The following SRSF5 variants were observed in gnomAD, a reference collection of about 807,000 sequenced individuals.
SRSF5 encodes serine/arginine-rich splicing factor 5.
A neutral mutation model predicts 34.0 loss-of-function variants in SRSF5; 5 were observed. That is an observed-to-expected ratio of 0.15 (90% CI 0.08 to 0.31). SRSF5 has a LOEUF of 0.31. SRSF5 is among the 10% of genes least tolerant of loss of function. The pLI, the probability that SRSF5 is intolerant of heterozygous loss-of-function variation, is 1.00. For missense variants in SRSF5, 223 were observed against 351.4 expected (o/e 0.63, Z 2.92); for synonymous variants, 164 against 117.7 (o/e 1.39, Z -2.55).
chr14:69,769,003 C>T (rs777922589), intron 4 of SRSF5, 107 bp downstream of exon 4: 136 of 1,322,750 alleles, frequency 1.0e-4, no homozygotes, highest in Admixed American at 4.8e-4. Flanking sequence ...ATAATCTGTT[C>T]TTCTATTCCC....
chr14:69,768,297 C>T lies in SRSF5; in HGVS notation c.126+15C>T. ...TTGGTTTTGTGGTAAGTATTTAGAA[C>T]TGGGTGAATTATCTGCTAAGTAGGT... On this transcript the variant is annotated intron_variant, in intron 2 of 7. Transcript: ENST00000557154. 2 of 1,613,950 alleles carry T rather than the reference C, an allele frequency of 1.2e-6. No homozygotes were observed. Among genetic ancestry groups the T allele is most frequent in the Non-Finnish European group, 8.5e-7 (1 of 1,179,914 alleles).
At chr14:69,768,374 C>T (rs1882793939) in intron 2 of SRSF5, 92 bp downstream of exon 2, 6 of 1,546,028 alleles carry the variant, frequency 3.9e-6, no homozygotes, top group Admixed American at 1.8e-5. Flanking sequence ...GGAATATTTG[C>T]CTTCAGAAAA....
rs1883220813 is a variant in SRSF5, at chr14:69,771,627, A to G, written c.*166A>G. On this transcript the variant is annotated 3_prime_UTR_variant, in exon 8 of 8. Coordinates refer to ENST00000557154, the MANE Select transcript of SRSF5 (RefSeq NM_001320214.2). The stretch of plus-strand genomic sequence containing the variant: ...ATATCTTTGTAGATGTGGACCACCA[A>G]GGGGTTGTTGAAAACTAATTGTATT... 5 of 776,004 alleles carry G rather than the reference A, an allele frequency of 6.4e-6. No individual in the cohort carries two copies. The South Asian group carries it at 9.5e-5, about 15-fold the overall frequency. 48.1% of individuals were successfully genotyped at this position (776,004 alleles called of 1,614,324 possible).
In SRSF5 at chr14:69,768,516, C is replaced by T. The variant is rs569066761; in HGVS notation, c.127-88C>T. The T allele has an allele frequency of 9.5e-6, 13 of 1,363,580 alleles. No homozygotes were observed. The East Asian group carries it at 2.5e-4, about 26-fold the overall frequency. 84.5% of individuals were successfully genotyped at this position (1,363,580 alleles called of 1,614,324 possible). On this transcript the variant is annotated intron_variant, in intron 2 of 7. Transcript: ENST00000557154. ...TGGCAGTGTCGTTAAGATACTCTTC[C>T]CATTCTGTCTCCTGATTTCAGTGCT...
chr14:69,769,691 G>T, intron 5 of SRSF5: 1 of 1,470,756 alleles, frequency 6.8e-7, no homozygotes, highest in Non-Finnish European at 9.0e-7. Context: ...TGAAGTGCCA[G>T]GTTGCAGCGA....
Position 69,768,801 on chromosome 14 carries a change from T to C in SRSF5, c.201T>C (p.Val67=), listed in dbSNP as rs1882854651. The C allele has an allele frequency of 6.2e-7, 1 of 1,614,000 alleles. No individual in the cohort carries two copies. The highest frequency in any genetic ancestry group is 1.1e-5 in the South Asian group (1 of 91,090). Residue 67 remains valine, a synonymous_variant, in exon 4 of 8, where the codon GTT becomes GTC. Coordinates refer to ENST00000557154, the MANE Select transcript of SRSF5 (RefSeq NM_001320214.2). ...GATTTTTCTTCCCTTTTTGTAGGGT[T>C]ACTATTGAACATGCTAGGGCTCGGT... The part of the protein sequence containing the change: ...LDGKELCSER[V]TIEHARARSR...
Position 69,771,177 on chromosome 14 carries a change from C to G in SRSF5, c.552-17C>G, listed in dbSNP as rs1443171228. 1 of 1,613,722 alleles carries G rather than the reference C, an allele frequency of 6.2e-7. No individual in the cohort carries two copies. The highest frequency in any genetic ancestry group is 8.5e-7 in the Non-Finnish European group (1 of 1,179,776). On this transcript the variant is annotated splice_polypyrimidine_tract_variant and intron_variant, in intron 7 of 7. Coordinates refer to ENST00000557154, the MANE Select transcript of SRSF5 (RefSeq NM_001320214.2). ...TGTAGAGTCTTATCTAGGCTGATTT[C>G]TTTTCATTTTTCATAGTAGGTCAAG...
intron 1 of SRSF5, chr14:69,767,709 C>T (rs1049698557): frequency 1.1e-5 from 4 of 361,760 alleles, no homozygotes; most frequent in South Asian, 2.0e-5. Context: ...CCGCCCGCTG[C>T]TGTTGGCGCA....
intron 1 of SRSF5, 125 bp from the exon 2 acceptor site, chr14:69,768,013 G>C: frequency 1.8e-6 from 2 of 1,108,646 alleles, no homozygotes; most frequent in Non-Finnish European, 2.6e-6. Flanking sequence ...TAGAGGCTCT[G>C]TTGGCAATCT....
Position 69,768,880 on chromosome 14 carries a change from C to G in SRSF5, c.280C>G (p.Pro94Ala). Residue 94 changes from proline to alanine, a missense_variant, in exon 4 of 8, where the codon CCT (proline) becomes GCT (alanine). Transcript: ENST00000557154. ...CTCTGACCGTTTTAGTAGTCGCAGA[C>G]CTCGAAATGATAGACGGTATGTGAA... ...RYSDRFSSRR[P>A]RNDRRNAPPV... 6.2e-7 allele frequency: 1 copy of G among 1,614,100 alleles called. No homozygotes were observed. The highest frequency in any genetic ancestry group is 8.5e-7 in the Non-Finnish European group (1 of 1,179,992).
At position 69,770,178 on chromosome 14, in the gene SRSF5, T is replaced by G. The variant is rs1051721030; in HGVS notation, c.367-289T>G. On this transcript the variant is annotated intron_variant, in intron 5 of 7. Transcript: ENST00000557154. ...GTACTGTTTCCTTTTTTGTTGTTTTTTTGTTTGTTTTTTTTTCTTTTGTAC... is the reference window on the plus strand; with the variant it reads ...GTACTGTTTCCTTTTTTGTTGTTTTGTTGTTTGTTTTTTTTTCTTTTGTAC... The G allele has an allele frequency of 6.3e-6, 7 of 1,105,296 alleles. No individual in the cohort carries two copies. The African/African-American group carries it at 9.8e-5, about 16-fold the overall frequency. The allele number at this position is 1,105,296 out of a possible 1,614,324, so 68.5% of individuals were successfully genotyped here.
chr14:69,769,590 C>G, intron 5 of SRSF5: 1 of 1,535,376 alleles, frequency 6.5e-7, no homozygotes, highest in Non-Finnish European at 8.7e-7. Flanking sequence ...TTGGTTGGGC[C>G]TGGTTGACTT....
At position 69,768,812 on chromosome 14, in the gene SRSF5, A is replaced by G. The variant is rs375239004; in HGVS notation, c.212A>G (p.His71Arg). ...CCTTTTTGTAGGGTTACTATTGAAC[A>G]TGCTAGGGCTCGGTCACGAGGTGGA... The part of the protein sequence containing the change: ...ELCSERVTIE[H>R]ARARSRGGRG... Residue 71 changes from histidine (H) to arginine (R), a missense_variant, in exon 4 of 8, where the codon CAT becomes CGT. Transcript: ENST00000557154. 6.2e-7 allele frequency: 1 copy of G among 1,614,060 alleles called. No individual in the cohort carries two copies. The highest frequency in any genetic ancestry group is 1.3e-5 in the African/African-American group (1 of 74,942).
intron 3 of SRSF5, 30 bp downstream of exon 3, chr14:69,768,704 G>A (rs752487643): frequency 5.0e-6 from 8 of 1,612,362 alleles, no homozygotes; most frequent in Non-Finnish European, 6.8e-6. Context: ...AGATAACCCT[G>A]GGACATAGAG....
At chr14:69,768,058 G>A in intron 1 of SRSF5, 80 bp from the exon 2 acceptor site, 1 of 1,492,252 alleles carries the variant, frequency 6.7e-7, no homozygotes, top group Non-Finnish European at 9.2e-7. Context: ...ATTTTATGCC[G>A]TTGATGTTTT....
rs199730353 is a variant in SRSF5 at position 69,771,306 on chromosome 14, C to T, written c.664C>T (p.Arg222Trp). ...YSRSRSRSRS[R>W]SRSKSRSVSR... is the part of the protein sequence containing the mutation. ...CCGGTCAAGAAGCAGGAGCAGGAGC[C>T]GGAGCCGGAGCAAGTCCCGTTCTGT... Residue 222 changes from arginine to tryptophan, a missense_variant, in exon 8 of 8, where the codon CGG becomes TGG. Physicochemically the swap from Arg to Trp is moderately radical, Grantham distance 101. Transcript: ENST00000557154. 138 of 1,613,932 alleles carry T rather than the reference C, an allele frequency of 8.6e-5. No homozygotes were observed. The highest frequency in any genetic ancestry group is 4.5e-4 in the Admixed American group (27 of 60,004).
At chr14:69,769,099 C>G in intron 4 of SRSF5, 83 bp from the exon 5 acceptor site, 1 of 1,509,408 alleles carries the variant, frequency 6.6e-7, no homozygotes, top group Non-Finnish European at 9.2e-7. Flanking sequence ...CTTGTGATAT[C>G]TGATGGCTTG....
intron 1 of SRSF5, 63 bp downstream of exon 1, chr14:69,767,318 C>T (rs764363876): frequency 2.2e-6 from 1 of 448,324 alleles, no homozygotes; most frequent in Non-Finnish European, 4.4e-6. Context: ...CCGCTCAGAT[C>T]GTGAGCGGCC....
chr14:69,767,894 G>T, intron 1 of SRSF5: 1 of 458,494 alleles, frequency 2.2e-6, no homozygotes, highest in Non-Finnish European at 4.0e-6. Context: ...CGGCTGCGCA[G>T]TTGGAAAGGT....
Sources: gnomAD v4.1 joint callset for allele counts on GRCh38, gnomAD v4.1.1 for gene constraint, MANE v1.5 for transcripts, NCBI Gene and HGNC (gene_info 2026-07-23, HGNC 2026-07-21) for gene names.